The following PTPRN2 variants were observed in gnomAD, a reference collection of about 807,000 sequenced individuals.
PTPRN2 encodes the protein protein tyrosine phosphatase receptor type N2, also known as receptor-type tyrosine-protein phosphatase N2.
In PTPRN2, 74 loss-of-function variants were observed where a neutral mutation model predicts 118.8. The ratio of observed to expected loss-of-function variants is 0.62; its 90% CI spans 0.52 to 0.76. PTPRN2 has a LOEUF of 0.76. Ranked by LOEUF, PTPRN2 falls within the 30% of genes least tolerant of loss-of-function variation. PTPRN2 has a pLI of 0.00. For synonymous variants in PTPRN2, 641 were observed against 608.0 expected, an observed-to-expected ratio of 1.05 and a Z score of -0.80; for missense variants, 1,481 against 1,394.4, an observed-to-expected ratio of 1.06 and a Z score of -0.99.
At chr7:157,751,250 C>T (rs141227105) in intron 12 of PTPRN2, among the ~76,000 whole-genome samples, 91 of 152,234 alleles carry the variant, frequency 6.0e-4, no homozygotes, top group African/African-American at 2.1e-3. Flanking sequence ...GGCAATATCC[C>T]GAGGAGAGAG....
At chr7:158,455,778 A>G (rs1461155120) in intron 2 of PTPRN2, among the ~76,000 whole-genome samples, 18 of 149,026 alleles carry the variant, frequency 1.2e-4, no homozygotes, top group Admixed American at 1.2e-3. Flanking sequence ...GCCATCGGCC[A>G]TGGCCACCCA....
Position 157,831,200 on chromosome 7 carries a change from G to A in PTPRN2, c.1788+67473C>T, listed in dbSNP as rs187339351. ...GCCCAGCTGTGGGGAGGAACTGCTCGGGCCCTGCAGCATCTTACAAGGGGT... is the reference window on the plus strand; with the variant it reads ...GCCCAGCTGTGGGGAGGAACTGCTCAGGCCCTGCAGCATCTTACAAGGGGT... On this transcript the variant is annotated intron_variant, in intron 12 of 22. Coordinates refer to ENST00000389418, the MANE Select transcript of PTPRN2 (RefSeq NM_002847.5). This position sits in a 1 kb window ranked among gnomAD's most constrained non-coding sequence, Gnocchi z 4.8. Among the ~76,000 whole-genome samples the A allele has an allele frequency of 4.7e-4, 72 of 152,306 alleles. No individual in the cohort carries two copies. The highest frequency in any genetic ancestry group is 4.1e-3 in the Admixed American group (62 of 15,296).
At chr7:157,804,773 A>T (rs955475744) in intron 12 of PTPRN2, among the ~76,000 whole-genome samples, 6 of 152,150 alleles carry the variant, frequency 3.9e-5, no homozygotes, top group Non-Finnish European at 7.4e-5. Context: ...CTCTTGACAG[A>T]TGATTTCTGC....
intron 19 of PTPRN2, among the ~76,000 whole-genome samples, chr7:157,572,599 C>T (rs571350074): frequency 2.0e-5 from 3 of 152,246 alleles, no homozygotes; most frequent in Non-Finnish European, 2.9e-5. Flanking sequence ...GCCCAAACCA[C>T]AGAGCTTTCT....
Position 157,794,628 on chromosome 7 carries a change from G to A in PTPRN2, c.1788+104045C>T, listed in dbSNP as rs551981687. The stretch of plus-strand genomic sequence containing the variant: ...GCCTCTGTGAACACCCACTAAAACC[G>A]TAAGTGGGAAAAGTGGGTGCCTTCT... On this transcript the variant is annotated intron_variant, in intron 12 of 22. Coordinates refer to ENST00000389418, the MANE Select transcript of PTPRN2 (RefSeq NM_002847.5). This position sits in a 1 kb window ranked among gnomAD's most constrained non-coding sequence, Gnocchi z 5.2. Among the ~76,000 whole-genome samples, 3 of 152,276 alleles carry A rather than the reference G, an allele frequency of 2.0e-5. No homozygotes were observed. The highest frequency in any genetic ancestry group is 2.1e-4 in the South Asian group (1 of 4,818).
chr7:157,915,481 A>G (rs1283886578), intron 11 of PTPRN2, among the ~76,000 whole-genome samples: 1 of 138,790 alleles, frequency 7.2e-6, no homozygotes, highest in Non-Finnish European at 1.5e-5. Context: ...CACATCCAGG[A>G]ACAGCGCTGA....
At chr7:157,952,475 C>CG (rs199915138) in intron 11 of PTPRN2, among the ~76,000 whole-genome samples, 2 of 115,810 alleles carry the variant, frequency 1.7e-5, no homozygotes, top group Non-Finnish European at 4.1e-5. Context: ...GTGGGGGACA[C>CG]AGGGAGACAG....
At chr7:158,226,343 G>A (rs1165054683) in intron 3 of PTPRN2, among the ~76,000 whole-genome samples, 2 of 152,224 alleles carry the variant, frequency 1.3e-5, no homozygotes, top group African/African-American at 4.8e-5. Context: ...AAGGTGTCAA[G>A]GTTAACTGCA....
chr7:158,149,516 A>C (rs1820702348), intron 6 of PTPRN2, among the ~76,000 whole-genome samples: 1 of 152,164 alleles, frequency 6.6e-6, no homozygotes, highest in Admixed American at 6.6e-5. Context: ...TTAAAAAGAT[A>C]AGCCCGGCTG....
Position 157,544,099 on chromosome 7 carries a change from G to A in PTPRN2, c.2977-3314C>T, listed in dbSNP as rs947309830. Among the ~76,000 whole-genome samples the A allele has an allele frequency of 3.8e-3, 558 of 145,490 alleles. 1 individual carries two copies. Among genetic ancestry groups the A allele is most frequent in the East Asian group, 0.012 (53 of 4,598 alleles). ...GAGAGACGGAGAGAGGTGAAGAGAG[G>A]CGGAGAGAGGTGGAGAGAGATGGAG... On this transcript the variant is annotated intron_variant, in intron 22 of 22. Coordinates refer to ENST00000389418, the MANE Select transcript of PTPRN2 (RefSeq NM_002847.5).
intron 12 of PTPRN2, among the ~76,000 whole-genome samples, chr7:157,855,275 C>T (rs2151215783): frequency 6.6e-6 from 1 of 152,298 alleles, no homozygotes; most frequent in African/African-American, 2.4e-5. Flanking sequence ...TGCGGACGCC[C>T]AGGGAGCGGC....
At chr7:158,388,499 A>G (rs1490464970) in intron 2 of PTPRN2, among the ~76,000 whole-genome samples, 2 of 152,184 alleles carry the variant, frequency 1.3e-5, no homozygotes, top group African/African-American at 4.8e-5. Context: ...GCTCAAGGAG[A>G]GCCAAACTGA....
chr7:158,409,306 A>G (rs1813837327), intron 2 of PTPRN2, among the ~76,000 whole-genome samples: 1 of 152,140 alleles, frequency 6.6e-6, no homozygotes, highest in African/African-American at 2.4e-5. Context: ...CTGGCAGCAT[A>G]TGGGGAGATG....
intron 2 of PTPRN2, among the ~76,000 whole-genome samples, chr7:158,342,724 G>A (rs972292999): frequency 6.6e-6 from 1 of 152,196 alleles, no homozygotes; most frequent in Non-Finnish European, 1.5e-5. Context: ...AGCCCAGAGA[G>A]GTTGGGTGCC....
rs111664973 is a variant in PTPRN2 at position 158,411,782 on chromosome 7, T to C, written c.163+77953A>G. On this transcript the variant is annotated intron_variant, in intron 2 of 22. Transcript: ENST00000389418. The stretch of plus-strand genomic sequence containing the variant: ...GGCCCAGGTCTTATCCAGACTCAGC[T>C]GCTCTGTGACCCAGGTCAGTCACTG... 4.6e-3 allele frequency among the ~76,000 whole-genome samples: 693 copies of C among 152,150 alleles called. 4 individuals are homozygous for C. The highest frequency in any genetic ancestry group is 0.016 in the African/African-American group (667 of 41,502).
intron 11 of PTPRN2, among the ~76,000 whole-genome samples, chr7:157,934,482 TCA>T (rs1235735752): frequency 6.6e-6 from 1 of 152,222 alleles, no homozygotes; most frequent in African/African-American, 2.4e-5. Flanking sequence ...GCACATCGGC[TCA>T]CCTCGATAGC....
rs184275969 is a variant in PTPRN2, at chr7:158,067,871, G to A, written c.1723+13427C>T. On this transcript the variant is annotated intron_variant, in intron 11 of 22. Transcript: ENST00000389418. ...CATGGGCAGCACACTGGGTCACGCC[G>A]GGCCATGGGCAGCACACCAGGGCAG... is the stretch of plus-strand genomic sequence containing the variant. Among the ~76,000 whole-genome samples the A allele has an allele frequency of 5.3e-4, 80 of 152,120 alleles. No individual in the cohort carries two copies. In the East Asian group the frequency reaches 0.013, roughly 25 times the overall value.
intron 1 of PTPRN2, among the ~76,000 whole-genome samples, chr7:158,501,024 C>G (rs190999119): frequency 2.0e-3 from 301 of 152,360 alleles, no homozygotes; most frequent in Non-Finnish European, 3.8e-3. Context: ...GCCTCCCGCT[C>G]GGAGTCCAAA....
At chr7:157,726,840 A>G (rs1799631122) in intron 12 of PTPRN2, among the ~76,000 whole-genome samples, 1 of 152,220 alleles carries the variant, frequency 6.6e-6, no homozygotes, top group Admixed American at 6.5e-5. Flanking sequence ...TTCAGAAAAC[A>G]CAAAGTACTT....
Sources: gnomAD v4.1 joint callset for allele counts (sites outside exome capture counted in the v4.1 genomes callset) on GRCh38, gnomAD v4.1.1 for gene constraint, Gnocchi (gnomAD v3.1) non-coding constraint, MANE v1.5 for transcripts, NCBI Gene and HGNC (gene_info 2026-07-23, HGNC 2026-07-21) for gene names.